The following ACSS1 variants were observed in gnomAD, a reference collection of about 807,000 sequenced individuals.
ACSS1 encodes the protein acyl-CoA synthetase short chain family member 1.
ACSS1 carries 42 observed loss-of-function variants against 75.3 expected under a neutral mutation model. That is an observed-to-expected ratio of 0.56 (90% confidence interval 0.44 to 0.72). ACSS1 has a LOEUF of 0.72. ACSS1 is among the 30% of genes least tolerant of loss of function. ACSS1 has a pLI of 0.00. For missense variants in ACSS1, 782 were observed against 935.7 expected (o/e 0.84, Z 2.14); for synonymous variants, 380 against 376.8 (o/e 1.01, Z -0.10).
At chr20:25,032,293 A>T (rs2088839405) in intron 2 of ACSS1, 2 of 1,233,464 alleles carry the variant, frequency 1.6e-6, no homozygotes, top group East Asian at 3.0e-5. Flanking sequence ...CCGACACGTG[A>T]CCCAACCTGG....
rs1414238208 is a variant in ACSS1, at chr20:25,058,073, G to A, written c.30C>T (p.Val10=). 3.2e-6 allele frequency: 4 copies of A among 1,269,546 alleles called. No individual in the cohort carries two copies. In the South Asian group the frequency reaches 1.1e-4, roughly 36 times the overall value. The allele number at this position is 1,269,546 out of a possible 1,614,324, so 78.6% of individuals were successfully genotyped here. A position where few individuals can be genotyped will look rare whatever the true frequency, so the allele number is the denominator to read the frequency against. The change falls in exon 1 of 14, where the codon GTC becomes GTT. Residue 10 remains valine, a synonymous_variant. Transcript: ENST00000323482. MAARTLGRG[V]GRLLGSLRGL... is the part of the protein sequence containing the mutation. Reference sequence around the variant, plus strand: ...CTCGCAGGCTGCCCAGCAGCCTCCCGACGCCGCGGCCCAGGGTGCGCGCCG... The same window carrying A: ...CTCGCAGGCTGCCCAGCAGCCTCCCAACGCCGCGGCCCAGGGTGCGCGCCG...
At chr20:25,056,612 T>A (rs1486624667) in intron 1 of ACSS1, among the ~76,000 whole-genome samples, 3 of 152,174 alleles carry the variant, frequency 2.0e-5, no homozygotes, top group Admixed American at 2.0e-4. Flanking sequence ...GCACTCAGCC[T>A]AACCTCTGAG....
chr20:25,045,029 C>A (rs1391652226), intron 2 of ACSS1, among the ~76,000 whole-genome samples: 2 of 152,252 alleles, frequency 1.3e-5, no homozygotes, highest in Non-Finnish European at 2.9e-5. Flanking sequence ...GAGGTCCAAC[C>A]TCGCTGCCCA....
intron 2 of ACSS1, chr20:25,032,805 T>C: frequency 1.5e-6 from 1 of 663,538 alleles, no homozygotes; most frequent in Non-Finnish European, 1.9e-6. Flanking sequence ...GAGGCCTTTG[T>C]TTCTTCCCAA....
chr20:25,025,225 G>A (rs1196431483), intron 3 of ACSS1, among the ~76,000 whole-genome samples: 2 of 152,140 alleles, frequency 1.3e-5, no homozygotes, highest in Non-Finnish European at 2.9e-5. Context: ...CTCCCAAGGC[G>A]CACACCTCAC....
chr20:25,012,250 T>C lies in ACSS1; in HGVS notation c.1771+351A>G, dbSNP rs548978980. On this transcript the variant is annotated intron_variant, in intron 12 of 13. Transcript: ENST00000323482. ...CCAAGCCCGTGAGGATACATGAGGC[T>C]GGACATTTTCTCATAAACTCTCTGT... is the stretch of plus-strand genomic sequence containing the variant. 72 of 348,242 alleles carry C rather than the reference T, an allele frequency of 2.1e-4. 1 individual carries two copies. The Admixed American group carries it at 3.1e-3, about 15-fold the overall frequency. 21.6% of individuals were successfully genotyped at this position (348,242 alleles called of 1,614,324 possible). A position where few individuals can be genotyped will look rare whatever the true frequency, so the allele number is the denominator to read the frequency against.
At chr20:25,012,762 G>C (rs769082027) in intron 11 of ACSS1, 50 bp downstream of exon 11, 1 of 1,613,280 alleles carries the variant, frequency 6.2e-7, no homozygotes, top group Non-Finnish European at 8.5e-7. Context: ...AGGTCCACAG[G>C]GGCATCATGG....
At chr20:25,032,319 C>G in intron 2 of ACSS1, 1 of 1,302,736 alleles carries the variant, frequency 7.7e-7, no homozygotes, top group Non-Finnish European at 9.8e-7. Context: ...TCAGAGTCAA[C>G]CATACTCAAC....
At chr20:25,053,241 T>C (rs2089200735) in intron 1 of ACSS1, among the ~76,000 whole-genome samples, 1 of 150,766 alleles carries the variant, frequency 6.6e-6, no homozygotes, top group African/African-American at 2.4e-5. Context: ...TTTTTTTTTT[T>C]TTTTTTTGAG....
At chr20:25,042,355 C>T (rs1338368690) in intron 2 of ACSS1, among the ~76,000 whole-genome samples, 1 of 152,118 alleles carries the variant, frequency 6.6e-6, no homozygotes, top group Non-Finnish European at 1.5e-5. Flanking sequence ...CTGTAGCGTG[C>T]AGATTCCAGA....
rs1279918885 is a variant in ACSS1 at position 25,027,196 on chromosome 20, A to C, written c.632-3555T>G. Among the ~76,000 whole-genome samples, 6 of 152,346 alleles carry C rather than the reference A, an allele frequency of 3.9e-5. No individual in the cohort carries two copies. In the East Asian group the frequency reaches 1.2e-3, roughly 29 times the overall value. ...CTAAAGACCAGAACCAGATGACTTC[A>C]CTGGTGAATTCTATGAAATATTTAA... On this transcript the variant is annotated intron_variant, in intron 3 of 13. Transcript: ENST00000323482.
At chr20:25,041,795 A>C (rs1290864345) in intron 2 of ACSS1, among the ~76,000 whole-genome samples, 2 of 152,106 alleles carry the variant, frequency 1.3e-5, no homozygotes, top group Admixed American at 1.3e-4. Context: ...CGTGGGTGGA[A>C]TAAATACATC....
intron 2 of ACSS1, chr20:25,032,730 A>C: frequency 8.9e-7 from 1 of 1,118,026 alleles, no homozygotes; most frequent in Non-Finnish European, 1.1e-6. Flanking sequence ...AAGCTCAACG[A>C]GGCCACCCGG....
At chr20:25,019,478 G>A (rs1243112085) in intron 7 of ACSS1, among the ~76,000 whole-genome samples, 1 of 152,188 alleles carries the variant, frequency 6.6e-6, no homozygotes, top group Admixed American at 6.5e-5. Flanking sequence ...ACAATCAAAA[G>A]GTCCAACTAT....
At chr20:25,031,462 T>C (rs1422952188) in intron 2 of ACSS1, among the ~76,000 whole-genome samples, 3 of 152,358 alleles carry the variant, frequency 2.0e-5, no homozygotes, top group African/African-American at 4.8e-5. Context: ...GATGTACTTA[T>C]GCACTAAAAT....
intron 3 of ACSS1, among the ~76,000 whole-genome samples, chr20:25,030,269 G>C (rs1843307533): frequency 6.6e-6 from 1 of 152,226 alleles, no homozygotes; most frequent in South Asian, 2.1e-4. Flanking sequence ...AAACAAGGAA[G>C]TTATTGTTCT....
intron 3 of ACSS1, among the ~76,000 whole-genome samples, chr20:25,026,783 A>G (rs1384423188): frequency 6.6e-6 from 1 of 152,226 alleles, no homozygotes; most frequent in Non-Finnish European, 1.5e-5. Flanking sequence ...GGAACCTGGT[A>G]CCTGCAGAGC....
At chr20:25,037,506 G>C (rs984196614) in intron 2 of ACSS1, among the ~76,000 whole-genome samples, 5 of 152,170 alleles carry the variant, frequency 3.3e-5, no homozygotes, top group African/African-American at 1.2e-4. Context: ...ATATGTGAAG[G>C]CCTCTGACAG....
Position 25,007,642 on chromosome 20 carries a change from T to C in ACSS1, c.*120A>G. ...CTTCACGTGAGGGCGGTGTGGGTCA[T>C]GTGTGGGGTGGGGGCTGCTTCTGGG... On this transcript the variant is annotated 3_prime_UTR_variant, in exon 14 of 14. Transcript: ENST00000323482. The C allele has an allele frequency of 1.3e-6, 2 of 1,520,562 alleles. No homozygotes were observed. The highest frequency in any genetic ancestry group is 1.3e-5 in the South Asian group (1 of 76,820). 94.2% of individuals were successfully genotyped at this position (1,520,562 alleles called of 1,614,324 possible). A position where few individuals can be genotyped will look rare whatever the true frequency, so the allele number is the denominator to read the frequency against.
Sources: allele counts gnomAD v4.1 joint callset (sites outside exome capture counted in the v4.1 genomes callset), GRCh38; gene constraint gnomAD v4.1.1; transcripts MANE v1.5; gene names NCBI Gene and HGNC (gene_info 2026-07-23, HGNC 2026-07-21).